The following DPYD variants were observed in gnomAD, a reference collection of about 807,000 sequenced individuals.
DPYD encodes the protein dihydropyrimidine dehydrogenase [NADP(+)].
A neutral mutation model predicts 116.2 loss-of-function variants in DPYD; 109 were observed. The observed-to-expected ratio is 0.94, with a 90% CI of 0.80 to 1.10. The LOEUF (loss-of-function observed/expected upper bound fraction) is 1.10, where lower values mean the gene tolerates loss of function less well. DPYD is among the 50% of genes least tolerant of loss of function. The pLI is 0.00. For synonymous variants in DPYD, 440 were observed against 432.0 expected (o/e 1.02, Z -0.23); for missense variants, 1,302 against 1,254.5 (o/e 1.04, Z -0.57).
intron 8 of DPYD, among the ~76,000 whole-genome samples, chr1:97,608,000 G>GT (rs1472578947): frequency 3.3e-5 from 5 of 151,866 alleles, no homozygotes; most frequent in Non-Finnish European, 7.4e-5. Flanking sequence ...TACATATATT[G>GT]TAACTATTAG....
At chr1:97,883,648 T>A (rs1386484620) in intron 1 of DPYD, among the ~76,000 whole-genome samples, 1 of 152,006 alleles carries the variant, frequency 6.6e-6, no homozygotes, top group African/African-American at 2.4e-5. Flanking sequence ...GGTTTCGCCA[T>A]GTTGCCCAGG....
chr1:97,474,367 C>T (rs1461806212), intron 13 of DPYD, among the ~76,000 whole-genome samples: 1 of 151,820 alleles, frequency 6.6e-6, no homozygotes, highest in Non-Finnish European at 1.5e-5. Context: ...GAAAACATAC[C>T]AAAGATATAT....
intron 14 of DPYD, among the ~76,000 whole-genome samples, chr1:97,446,270 A>G (rs1355999344): frequency 6.6e-6 from 1 of 152,198 alleles, no homozygotes; most frequent in Non-Finnish European, 1.5e-5. Context: ...GATAGTGAGA[A>G]TCCTTTGTAA....
At chr1:97,349,496 CT>C (rs761799941) in intron 16 of DPYD, among the ~76,000 whole-genome samples, 2 of 152,116 alleles carry the variant, frequency 1.3e-5, no homozygotes, top group Non-Finnish European at 2.9e-5. Flanking sequence ...TCCCTCGCCC[CT>C]GCCCCCACCC....
intron 12 of DPYD, among the ~76,000 whole-genome samples, chr1:97,528,455 G>A (rs1292735501): frequency 6.6e-6 from 1 of 152,044 alleles, no homozygotes; most frequent in East Asian, 1.9e-4. Flanking sequence ...ATGGCATAAT[G>A]GTCAGCATAT....
At chr1:97,204,590 C>T (rs1659464567) in intron 19 of DPYD, among the ~76,000 whole-genome samples, 1 of 152,144 alleles carries the variant, frequency 6.6e-6, no homozygotes, top group Non-Finnish European at 1.5e-5. Context: ...CAAACTGTGA[C>T]ACTTGAGAGT....
intron 2 of DPYD, among the ~76,000 whole-genome samples, chr1:97,865,318 C>T (rs1285810563): frequency 6.6e-6 from 1 of 151,860 alleles, no homozygotes; most frequent in Non-Finnish European, 1.5e-5. Flanking sequence ...TCTATATACT[C>T]TGTGCTTGTG....
chr1:97,754,914 G>C (rs1056952401), intron 3 of DPYD, among the ~76,000 whole-genome samples: 4 of 152,194 alleles, frequency 2.6e-5, no homozygotes, highest in African/African-American at 7.2e-5. Flanking sequence ...ATGTTCATTT[G>C]TTGATTAAAT....
Position 97,490,865 on chromosome 1 carries a change from A to T in DPYD, c.1740+24861T>A, listed in dbSNP as rs1453093322. On this transcript the variant is annotated intron_variant, in intron 13 of 22. Transcript: ENST00000370192. Reference sequence around the variant, plus strand: ...CAAAAAACTGATTTTCAAGCTTAGAAGATGGCTACACCTTTCACTAAATAC... The same window carrying T: ...CAAAAAACTGATTTTCAAGCTTAGATGATGGCTACACCTTTCACTAAATAC... Among the ~76,000 whole-genome samples, 3 of 150,454 alleles carry T rather than the reference A, an allele frequency of 2.0e-5. No individual in the cohort carries two copies. The East Asian group carries it at 5.8e-4, about 29-fold the overall frequency.
At chr1:97,278,188 T>G (rs1304680604) in intron 18 of DPYD, among the ~76,000 whole-genome samples, 1 of 152,238 alleles carries the variant, frequency 6.6e-6, no homozygotes, top group Non-Finnish European at 1.5e-5. Context: ...AAATGTTTCT[T>G]TCTGTCTTGA....
At chr1:97,366,937 T>C (rs1456617795) in intron 16 of DPYD, among the ~76,000 whole-genome samples, 1 of 152,050 alleles carries the variant, frequency 6.6e-6, no homozygotes, top group Non-Finnish European at 1.5e-5. Flanking sequence ...ATATGGAAAA[T>C]ACTATGACTT....
chr1:97,653,303 CT>C (rs753813558), intron 8 of DPYD, among the ~76,000 whole-genome samples: 4,001 of 140,046 alleles, frequency 0.029, 35 homozygotes, highest in Non-Finnish European at 0.035. Flanking sequence ...TTTCTTTCTC[CT>C]TTTTTTTTTT....
At chr1:97,283,108 T>C (rs1237625189) in intron 18 of DPYD, among the ~76,000 whole-genome samples, 5 of 152,172 alleles carry the variant, frequency 3.3e-5, no homozygotes, top group Admixed American at 6.5e-5. Context: ...TAGTTTAATT[T>C]AGTACAATTG....
chr1:97,722,623 C>T lies in DPYD; in HGVS notation c.322-952G>A, dbSNP rs573943450. Among the ~76,000 whole-genome samples the T allele has an allele frequency of 2.6e-5, 4 of 151,570 alleles. 1 individual carries two copies. In the South Asian group the frequency reaches 8.3e-4, roughly 31 times the overall value. On this transcript the variant is annotated intron_variant, in intron 4 of 22. Coordinates refer to ENST00000370192, the MANE Select transcript of DPYD (RefSeq NM_000110.4). ...CATATTGCATTTATTTTTCCTTTGG[C>T]TTTTATTTGTAATAATTTTGAAGGT...
chr1:97,218,368 T>C (rs1660553274), intron 19 of DPYD, among the ~76,000 whole-genome samples: 1 of 152,004 alleles, frequency 6.6e-6, no homozygotes, highest in South Asian at 2.1e-4. Flanking sequence ...AAAACATACT[T>C]GGTATTAGGT....
At chr1:97,119,006 T>C (rs981896628) in intron 20 of DPYD, among the ~76,000 whole-genome samples, 1 of 152,174 alleles carries the variant, frequency 6.6e-6, no homozygotes, top group Non-Finnish European at 1.5e-5. Context: ...CCCTCATTTT[T>C]TTTCACAGAC....
chr1:97,902,867 A>C (rs1003225233), intron 1 of DPYD, among the ~76,000 whole-genome samples: 1 of 151,878 alleles, frequency 6.6e-6, no homozygotes, highest in African/African-American at 2.4e-5. Context: ...TTTTCATTTC[A>C]ATCTAAATAA....
chr1:97,334,979 T>C (rs1416876979), intron 16 of DPYD, among the ~76,000 whole-genome samples: 1 of 152,122 alleles, frequency 6.6e-6, no homozygotes, highest in African/African-American at 2.4e-5. Flanking sequence ...GTTCTGTGTG[T>C]GTTGGGGCAG....
chr1:97,306,963 T>C (rs1488206608), intron 16 of DPYD, among the ~76,000 whole-genome samples: 1 of 151,876 alleles, frequency 6.6e-6, no homozygotes, highest in African/African-American at 2.4e-5. Context: ...AAAAATGAAA[T>C]AAAATATCAA....
Sources: gnomAD v4.1 joint callset for allele counts (sites outside exome capture counted in the v4.1 genomes callset) on GRCh38, gnomAD v4.1.1 for gene constraint, MANE v1.5 for transcripts, NCBI Gene and HGNC (gene_info 2026-07-23, HGNC 2026-07-21) for gene names.